GRM7: variants seen among roughly 807,000 people sequenced by gnomAD.
GRM7 encodes glutamate metabotropic receptor 7.
In GRM7, 35 loss-of-function variants were observed where a neutral mutation model predicts 84.5. The observed-to-expected ratio is 0.41, with a 90% CI of 0.32 to 0.55. GRM7 has a LOEUF of 0.55. Ranked by LOEUF, GRM7 falls within the 20% of genes least tolerant of loss-of-function variation. GRM7 has a pLI of 0.19. For synonymous variants in GRM7, 487 were observed against 455.1 expected (o/e 1.07, Z -0.89); for missense variants, 1,003 against 1,194.6 (o/e 0.84, Z 2.36).
chr3:7,150,166 G>A (rs1694241290), intron 2 of GRM7, among the ~76,000 whole-genome samples: 1 of 151,992 alleles, frequency 6.6e-6, no homozygotes, highest in Non-Finnish European at 1.5e-5. Context: ...TGGCAGGTTG[G>A]AAGGATTTAC....
chr3:7,211,797 G>A (rs1696438564), intron 2 of GRM7, among the ~76,000 whole-genome samples: 1 of 152,106 alleles, frequency 6.6e-6, no homozygotes, highest in Non-Finnish European at 1.5e-5. Context: ...TAATTAATGA[G>A]GAATGTAAGG....
At chr3:7,420,316 C>G (rs1696343028) in intron 5 of GRM7, among the ~76,000 whole-genome samples, 1 of 152,068 alleles carries the variant, frequency 6.6e-6, no homozygotes, top group Admixed American at 6.6e-5. Flanking sequence ...TTATTCTATT[C>G]TGAATTGACC....
At chr3:7,141,229 C>T (rs1481750505) in intron 1 of GRM7, among the ~76,000 whole-genome samples, 1 of 151,670 alleles carries the variant, frequency 6.6e-6, no homozygotes, top group Non-Finnish European at 1.5e-5. Flanking sequence ...GCTATTACAA[C>T]TAAAAAGAAT....
At chr3:7,732,209 C>T (rs1254193978) in intron 9 of GRM7, among the ~76,000 whole-genome samples, 1 of 152,226 alleles carries the variant, frequency 6.6e-6, no homozygotes, top group Middle Eastern at 3.4e-3. Flanking sequence ...TGTGGTCTTT[C>T]TTTATGCAGT....
intron 7 of GRM7, among the ~76,000 whole-genome samples, chr3:7,469,802 C>G (rs932092511): frequency 1.3e-5 from 2 of 152,066 alleles, no homozygotes; most frequent in African/African-American, 4.8e-5. Context: ...ATTTATAAAT[C>G]AAAAATAGTA....
chr3:6,984,722 A>G (rs1319996590), intron 1 of GRM7, among the ~76,000 whole-genome samples: 1 of 152,118 alleles, frequency 6.6e-6, no homozygotes, highest in Non-Finnish European at 1.5e-5. Flanking sequence ...GAATTGGCTG[A>G]CCATCCTTCA....
chr3:7,037,697 C>T (rs116702124), intron 1 of GRM7, among the ~76,000 whole-genome samples: 206 of 152,174 alleles, frequency 1.4e-3, no homozygotes, highest in African/African-American at 4.8e-3. Context: ...GTGCTGAATG[C>T]CTGTAGGAAC....
At chr3:7,246,238 A>T (rs957132590) in intron 2 of GRM7, among the ~76,000 whole-genome samples, 1 of 152,172 alleles carries the variant, frequency 6.6e-6, no homozygotes. Context: ...AGACAGATGA[A>T]ACATCAGCTA....
At chr3:6,876,741 AT>A (rs1389439740) in intron 1 of GRM7, among the ~76,000 whole-genome samples, 2 of 151,338 alleles carry the variant, frequency 1.3e-5, no homozygotes, top group Admixed American at 6.6e-5. Context: ...AGCTGGGATT[AT>A]AGGCACCCGT....
chr3:7,457,029 A>G (rs1698046789), intron 6 of GRM7, among the ~76,000 whole-genome samples: 1 of 152,212 alleles, frequency 6.6e-6, no homozygotes, highest in Admixed American at 6.5e-5. Context: ...AAGGACAGAG[A>G]CAGATCTAGA....
chr3:6,958,062 TC>T (rs1409174358), intron 1 of GRM7, among the ~76,000 whole-genome samples: 1 of 151,064 alleles, frequency 6.6e-6, no homozygotes, highest in African/African-American at 2.4e-5. Flanking sequence ...ACACACTATT[TC>T]ATTATGTGTA....
chr3:7,315,065 G>T (rs977821518), intron 4 of GRM7, among the ~76,000 whole-genome samples: 2 of 151,760 alleles, frequency 1.3e-5, no homozygotes, highest in African/African-American at 4.8e-5. Context: ...TCTTGTCAGA[G>T]ATTTCTCTAA....
chr3:6,986,683 G>T (rs6783863), intron 1 of GRM7, among the ~76,000 whole-genome samples: 14,960 of 151,982 alleles, frequency 0.098, 770 homozygotes, highest in African/African-American at 0.13. Context: ...AGCTAACTTC[G>T]GCCTGATCAT....
chr3:7,553,220 A>T (rs185478257), intron 7 of GRM7, among the ~76,000 whole-genome samples: 1 of 152,194 alleles, frequency 6.6e-6, no homozygotes, highest in Non-Finnish European at 1.5e-5. Context: ...CTTTGATCCA[A>T]TTCCCAACAA....
chr3:7,670,509 G>GT (rs1179111406), intron 8 of GRM7, among the ~76,000 whole-genome samples: 1 of 152,206 alleles, frequency 6.6e-6, no homozygotes, highest in African/African-American at 2.4e-5. Context: ...GTTGGATCTA[G>GT]TTTTAATGAA....
intron 2 of GRM7, among the ~76,000 whole-genome samples, chr3:7,180,785 C>T (rs1695311706): frequency 6.6e-6 from 1 of 152,198 alleles, no homozygotes. Context: ...AATGTTCCAT[C>T]TGACCAGTAA....
intron 4 of GRM7, among the ~76,000 whole-genome samples, chr3:7,354,311 G>A (rs1458133139): frequency 1.3e-5 from 2 of 149,980 alleles, no homozygotes; most frequent in African/African-American, 2.5e-5. Context: ...TTAGTGTAGA[G>A]CTTATGGGGT....
chr3:7,034,956 G>C (rs1360487321), intron 1 of GRM7, among the ~76,000 whole-genome samples: 1 of 152,190 alleles, frequency 6.6e-6, no homozygotes, highest in Non-Finnish European at 1.5e-5. Flanking sequence ...TGAAGGCCTG[G>C]ATGAGTCAGG....
intron 2 of GRM7, among the ~76,000 whole-genome samples, chr3:7,278,841 C>T (rs949802009): frequency 1.1e-4 from 17 of 152,142 alleles, no homozygotes; most frequent in African/African-American, 3.9e-4. Context: ...TAGATACAAA[C>T]TAAGTAATTT....
Sources: gnomAD v4.1 joint callset for allele counts (sites outside exome capture counted in the v4.1 genomes callset) on GRCh38, gnomAD v4.1.1 for gene constraint, MANE v1.5 for transcripts, NCBI Gene and HGNC (gene_info 2026-07-23, HGNC 2026-07-21) for gene names.